KAZN: variants seen among roughly 807,000 people sequenced by gnomAD.
The protein encoded by KAZN is kazrin, periplakin interacting protein, also known as kazrin.
KAZN carries 40 observed loss-of-function variants against 87.4 expected under a neutral mutation model. That is an observed-to-expected ratio of 0.46 (90% CI 0.36 to 0.60). The LOEUF is 0.60. Among genes scored for constraint, KAZN ranks in the 20% least tolerant of loss-of-function variants. The probability of loss-of-function intolerance (pLI) is 0.00; values close to 1 mark genes in which losing one functional copy is unlikely to be tolerated. For synonymous variants in KAZN, 466 were observed against 458.3 expected (o/e 1.02, Z -0.22); for missense variants, 898 against 1,073.9 (o/e 0.84, Z 2.29).
intron 2 of KAZN, among the ~76,000 whole-genome samples, chr1:14,436,916 C>G (rs1196051103): frequency 2.0e-5 from 3 of 152,158 alleles, no homozygotes; most frequent in Admixed American, 6.5e-5. Context: ...ACTTTGCATG[C>G]ACCTCTCCAG....
At chr1:14,824,396 G>A (rs1319708626) in intron 1 of KAZN, among the ~76,000 whole-genome samples, 1 of 152,182 alleles carries the variant, frequency 6.6e-6, no homozygotes, top group African/African-American at 2.4e-5. Context: ...TACTGCTCCT[G>A]GGAGGTATAT....
intron 2 of KAZN, among the ~76,000 whole-genome samples, chr1:14,300,810 C>T (rs1305665955): frequency 6.6e-6 from 1 of 152,150 alleles, no homozygotes; most frequent in East Asian, 1.9e-4. Context: ...ATCAGTTTGG[C>T]GTATCATCAG....
intron 2 of KAZN, among the ~76,000 whole-genome samples, chr1:15,002,694 G>A (rs1215747929): frequency 7.9e-5 from 12 of 152,006 alleles, no homozygotes; most frequent in Admixed American, 7.9e-4. Flanking sequence ...ACACACACAC[G>A]GCTGGGCGTG....
intron 2 of KAZN, among the ~76,000 whole-genome samples, chr1:14,508,319 C>T (rs1476828856): frequency 6.6e-6 from 1 of 152,100 alleles, no homozygotes; most frequent in Non-Finnish European, 1.5e-5. Context: ...CATCTGTTCC[C>T]GTCACTATTG....
intron 1 of KAZN, among the ~76,000 whole-genome samples, chr1:14,878,493 G>A (rs1653003688): frequency 6.6e-6 from 1 of 152,054 alleles, no homozygotes; most frequent in African/African-American, 2.4e-5. Context: ...GATTAACTGT[G>A]CTGGGCATCC....
intron 1 of KAZN, among the ~76,000 whole-genome samples, chr1:14,663,205 G>C (rs1639307750): frequency 1.3e-5 from 2 of 152,070 alleles, no homozygotes; most frequent in South Asian, 4.2e-4. Context: ...TCAAACTCCA[G>C]GACTCAAGCA....
chr1:14,418,900 A>C (rs1665082606), intron 2 of KAZN, among the ~76,000 whole-genome samples: 1 of 152,232 alleles, frequency 6.6e-6, no homozygotes, highest in South Asian at 2.1e-4. Flanking sequence ...CTGCATCTGC[A>C]GAAATGATGG....
intron 1 of KAZN, among the ~76,000 whole-genome samples, chr1:14,870,061 G>T (rs1220568738): frequency 6.6e-6 from 1 of 152,168 alleles, no homozygotes; most frequent in African/African-American, 2.4e-5. Context: ...AAAAACTCAG[G>T]GTCTCATCTC....
intron 2 of KAZN, among the ~76,000 whole-genome samples, chr1:14,196,908 G>A (rs979187849): frequency 4.6e-5 from 7 of 152,102 alleles, no homozygotes; most frequent in East Asian, 3.9e-4. Context: ...TTCAAAGAGA[G>A]TGCTGCCACC....
chr1:13,941,362 G>A (rs1429721043), intron 1 of KAZN, among the ~76,000 whole-genome samples: 1 of 152,080 alleles, frequency 6.6e-6, no homozygotes, highest in Non-Finnish European at 1.5e-5. Context: ...ACTATGTGCT[G>A]GAGATGAATA....
At chr1:14,365,049 C>CTTT (rs767980402) in intron 2 of KAZN, among the ~76,000 whole-genome samples, 1 of 144,202 alleles carries the variant, frequency 6.9e-6, no homozygotes, top group African/African-American at 2.5e-5. Context: ...GGCCCCCTCT[C>CTTT]TTTTTTTTTT....
intron 1 of KAZN, among the ~76,000 whole-genome samples, chr1:13,954,230 C>A (rs140844359): frequency 8.3e-4 from 126 of 152,218 alleles, no homozygotes; most frequent in African/African-American, 3.0e-3. Flanking sequence ...AAAATAAAAC[C>A]AACCAACCAA....
chr1:14,443,526 A>G (rs749281654), intron 2 of KAZN, among the ~76,000 whole-genome samples: 10 of 152,266 alleles, frequency 6.6e-5, no homozygotes, highest in Non-Finnish European at 1.2e-4. Flanking sequence ...AGAGCAAGGG[A>G]GAGTCTCCAT....
chr1:14,177,025 G>T (rs998708713), intron 1 of KAZN, among the ~76,000 whole-genome samples: 2 of 152,112 alleles, frequency 1.3e-5, no homozygotes, highest in African/African-American at 4.8e-5. Context: ...GGGTGTGGTG[G>T]TGCGTGCCTG....
At chr1:14,094,140 C>A (rs1210416299) in intron 1 of KAZN, among the ~76,000 whole-genome samples, 1 of 151,932 alleles carries the variant, frequency 6.6e-6, no homozygotes, top group Admixed American at 6.6e-5. Context: ...TTATGGCTTG[C>A]CTTGGAGGAG....
At chr1:13,981,928 C>G (rs967952619) in intron 1 of KAZN, among the ~76,000 whole-genome samples, 1 of 152,170 alleles carries the variant, frequency 6.6e-6, no homozygotes, top group Non-Finnish European at 1.5e-5. Context: ...TCTCATTGCA[C>G]AAACCAGAAG....
At chr1:14,200,197 A>G (rs1022222582) in intron 2 of KAZN, among the ~76,000 whole-genome samples, 13 of 152,156 alleles carry the variant, frequency 8.5e-5, no homozygotes, top group Non-Finnish European at 1.9e-4. Context: ...GCTCATCCCT[A>G]GAGTAAAATA....
chr1:14,119,889 G>A (rs968329128), intron 1 of KAZN, among the ~76,000 whole-genome samples: 1 of 115,204 alleles, frequency 8.7e-6, no homozygotes, highest in Non-Finnish European at 1.8e-5. Flanking sequence ...TTTGCCATGT[G>A]CCAGGCACTG....
At chr1:14,907,159 G>A (rs1409415377) in intron 1 of KAZN, among the ~76,000 whole-genome samples, 1 of 151,986 alleles carries the variant, frequency 6.6e-6, no homozygotes, top group Non-Finnish European at 1.5e-5. Context: ...ACTTTGGGAG[G>A]CCGAGGCTGG....
Sources: gnomAD v4.1 joint callset for allele counts (sites outside exome capture counted in the v4.1 genomes callset) on GRCh38, gnomAD v4.1.1 for gene constraint, MANE v1.5 for transcripts, NCBI Gene and HGNC (gene_info 2026-07-23, HGNC 2026-07-21) for gene names.